Variants in PTGES3 observed in about 807,000 individuals in gnomAD.
The protein encoded by PTGES3 is prostaglandin E synthase 3, also known as Hsp90 co-chaperone.
Under a neutral mutation model 29.9 loss-of-function variants are expected in PTGES3, and 5 were observed. That is an observed-to-expected ratio of 0.17 (90% CI 0.09 to 0.35). The LOEUF is 0.35. Ranked by LOEUF, PTGES3 falls within the 10% of genes least tolerant of loss-of-function variation. The pLI, the probability that PTGES3 is intolerant of heterozygous loss-of-function variation, is 1.00. For missense variants in PTGES3, 128 were observed against 190.0 expected (o/e 0.67, Z 1.92); for synonymous variants, 49 against 57.8 (o/e 0.85, Z 0.69).
chr12:56,666,924 G>A (rs1173688114), intron 5 of PTGES3, among the ~76,000 whole-genome samples: 1 of 151,894 alleles, frequency 6.6e-6, no homozygotes, highest in Non-Finnish European at 1.5e-5. Flanking sequence ...ACCATGCCAA[G>A]CCTTTTTTAT....
At chr12:56,665,284 C>CTTTTTTTTT (rs59007550) in intron 6 of PTGES3, 1 of 692,986 alleles carries the variant, frequency 1.4e-6, no homozygotes, top group Non-Finnish European at 1.7e-6. Flanking sequence ...CAATGTCCAT[C>CTTTTTTTTT]TTTTTTTTTT....
At chr12:56,683,584 A>G (rs1304757379) in intron 1 of PTGES3, among the ~76,000 whole-genome samples, 1 of 150,030 alleles carries the variant, frequency 6.7e-6, no homozygotes, top group Non-Finnish European at 1.5e-5. Context: ...CAGAAGGCGG[A>G]GGTTGCAGTG....
intron 1 of PTGES3, among the ~76,000 whole-genome samples, chr12:56,683,455 A>G (rs1256362144): frequency 1.5e-5 from 2 of 129,344 alleles, no homozygotes; most frequent in African/African-American, 2.9e-5. Context: ...CCTGGGCAAC[A>G]AGAGAGAAAC....
chr12:56,679,247 GA>G (rs1243035179), intron 1 of PTGES3, among the ~76,000 whole-genome samples: 2 of 151,992 alleles, frequency 1.3e-5, no homozygotes, highest in Non-Finnish European at 2.9e-5. Context: ...TGTCTCTACT[GA>G]AGATACAAAA....
intron 1 of PTGES3, among the ~76,000 whole-genome samples, chr12:56,679,550 A>T (rs925440621): frequency 6.6e-5 from 10 of 152,156 alleles, no homozygotes; most frequent in African/African-American, 2.4e-4. Context: ...AAATGAATTA[A>T]CAGTCTTACA....
chr12:56,670,163 T>C (rs1304285400), intron 5 of PTGES3, 112 bp downstream of exon 5: 2 of 679,452 alleles, frequency 2.9e-6, no homozygotes, highest in Non-Finnish European at 5.2e-6. Context: ...GTCTTAAAAA[T>C]AAAATAACAT....
intron 1 of PTGES3, 42 bp from the exon 2 acceptor site, chr12:56,673,107 T>TA (rs769058795): frequency 7.5e-7 from 1 of 1,340,560 alleles, no homozygotes; most frequent in East Asian, 2.3e-5. Context: ...TGGAATTCAT[T>TA]AACTAAACAT....
chr12:56,665,284 C>CTT lies in PTGES3; in HGVS notation c.439-486_439-485dup, dbSNP rs59007550. 594 of 806,344 alleles carry CTT rather than the reference C, an allele frequency of 7.4e-4. 2 individuals are homozygous for CTT. The highest frequency in any genetic ancestry group is 4.5e-3 in the African/African-American group (185 of 41,462). The allele number at this position is 806,344 out of a possible 1,614,324, so 49.9% of individuals were successfully genotyped here. ...CCTCTTACAGATTTCCAATGTCCAT[C>CTT]TTTTTTTTTTTTTTTTTTTTGGGTG... On this transcript the variant is annotated intron_variant, in intron 6 of 7. Coordinates refer to ENST00000262033, the MANE Select transcript of PTGES3 (RefSeq NM_006601.7).
At position 56,688,191 on chromosome 12, in the gene PTGES3, G is replaced by A; in HGVS notation, c.-192C>T. The A allele has an allele frequency of 3.8e-6, 4 of 1,043,016 alleles. No individual in the cohort carries two copies. The highest frequency in any genetic ancestry group is 5.2e-6 in the Non-Finnish European group (4 of 775,462). 64.6% of individuals were successfully genotyped at this position (1,043,016 alleles called of 1,614,324 possible). On this transcript the variant is annotated 5_prime_UTR_variant, in exon 1 of 8. Transcript: ENST00000262033. ...CCCCAGAATGCACCGCGCGGAAAGA[G>A]CGGCTCCTCCGGTCGGGGAGAAGAG...
chr12:56,667,468 T>C (rs1951832606), intron 5 of PTGES3, among the ~76,000 whole-genome samples: 1 of 152,186 alleles, frequency 6.6e-6, no homozygotes, highest in Non-Finnish European at 1.5e-5. Context: ...GTGTTCAGCC[T>C]AAAAGTATCA....
intron 1 of PTGES3, among the ~76,000 whole-genome samples, chr12:56,681,403 T>G (rs1260196546): frequency 6.6e-6 from 1 of 150,764 alleles, no homozygotes; most frequent in East Asian, 2.0e-4. Flanking sequence ...CCGGATGAGG[T>G]GGCGGGAGCC....
chr12:56,665,640 T>C (rs897227596), intron 6 of PTGES3: 6 of 984,964 alleles, frequency 6.1e-6, no homozygotes, highest in African/African-American at 1.7e-5. Flanking sequence ...ACCTATAAAC[T>C]GACTCTCTTC....
At chr12:56,668,177 A>C (rs1477254312) in intron 5 of PTGES3, among the ~76,000 whole-genome samples, 2 of 152,236 alleles carry the variant, frequency 1.3e-5, no homozygotes, top group African/African-American at 2.4e-5. Context: ...CAATTAATTA[A>C]ACACACACAA....
intron 1 of PTGES3, among the ~76,000 whole-genome samples, chr12:56,681,066 C>T (rs1385100822): frequency 6.6e-6 from 1 of 152,134 alleles, no homozygotes; most frequent in African/African-American, 2.4e-5. Flanking sequence ...GTCACCATAC[C>T]TGGTCCCCCC....
At chr12:56,687,815 C>A (rs1290261455) in intron 1 of PTGES3, 183 bp downstream of exon 1, 10 of 1,444,872 alleles carry the variant, frequency 6.9e-6, no homozygotes, top group South Asian at 1.4e-5. Flanking sequence ...AAGCAGACAT[C>A]TGGAGGAAAA....
intron 1 of PTGES3, among the ~76,000 whole-genome samples, chr12:56,681,081 G>A (rs909450933): frequency 6.6e-6 from 1 of 152,138 alleles, no homozygotes; most frequent in East Asian, 1.9e-4. Context: ...CCCCCCATTT[G>A]TAGTTGTGTT....
intron 1 of PTGES3, chr12:56,687,384 G>A: frequency 1.0e-6 from 1 of 987,662 alleles, no homozygotes; most frequent in Non-Finnish European, 1.2e-6. Flanking sequence ...GTGTTTTCAA[G>A]AGACTGGAGT....
intron 1 of PTGES3, among the ~76,000 whole-genome samples, chr12:56,683,513 T>C (rs1358524488): frequency 9.1e-6 from 1 of 109,808 alleles, no homozygotes; most frequent in Non-Finnish European, 1.9e-5. Flanking sequence ...TAGCCAGGCA[T>C]GGCGGCAGGC....
At chr12:56,687,652 G>A in intron 1 of PTGES3, 3 of 1,207,230 alleles carry the variant, frequency 2.5e-6, no homozygotes, top group Non-Finnish European at 3.1e-6. Flanking sequence ...GACCCACGAA[G>A]GTTCACGCTT....
Sources: gnomAD v4.1 joint callset for allele counts (sites outside exome capture counted in the v4.1 genomes callset) on GRCh38, gnomAD v4.1.1 for gene constraint, MANE v1.5 for transcripts, NCBI Gene and HGNC (gene_info 2026-07-23, HGNC 2026-07-21) for gene names.